The following RIC3 variants were observed in gnomAD, a reference collection of about 807,000 sequenced individuals.
The protein encoded by RIC3 is protein RIC-3.
Under a neutral mutation model 27.3 loss-of-function variants are expected in RIC3, and 28 were observed. The ratio of observed to expected loss-of-function variants is 1.02; its 90% CI spans 0.76 to 1.41. The LOEUF is 1.41. RIC3 is among the 40% of genes most tolerant of loss of function. The pLI is 0.00. For synonymous variants in RIC3, 184 were observed against 160.4 expected (o/e 1.15, Z -1.11); for missense variants, 501 against 444.7 (o/e 1.13, Z -1.14).
In RIC3 at chr11:8,110,854, C is replaced by T. The variant is rs375414740; in HGVS notation, c.954G>A (p.Glu318=). ...AGCTATCTGCACTGAATCCAGCATTCTCTGCCAAGACAGCAGGATCCTCGT... is the reference window on the plus strand; with the variant it reads ...AGCTATCTGCACTGAATCCAGCATTTTCTGCCAAGACAGCAGGATCCTCGT... ...HEDEDPAVLA[E]NAGFSADSYP... is the part of the protein sequence containing the mutation. The change falls in exon 6 of 6, where the codon GAG becomes GAA. Residue 318 remains glutamate, a synonymous_variant. Transcript: ENST00000309737. 6.2e-7 allele frequency: 1 copy of T among 1,614,206 alleles called. No homozygotes were observed. The highest frequency in any genetic ancestry group is 1.6e-4 in the Middle Eastern group (1 of 6,062).
At position 8,109,817 on chromosome 11, in the gene RIC3, T is replaced by C. The variant is rs1945046640; in HGVS notation, c.*881A>G. 1 of 152,102 alleles carries C rather than the reference T, an allele frequency of 6.6e-6. No homozygotes were observed. Among genetic ancestry groups the C allele is most frequent in the South Asian group, 2.1e-4 (1 of 4,812 alleles). 9.4% of individuals were successfully genotyped at this position (152,102 alleles called of 1,614,324 possible). On this transcript the variant is annotated 3_prime_UTR_variant, in exon 6 of 6. Transcript: ENST00000309737. ...CAGAATTCACAATCTTGAGCCCTCT[T>C]ATAGGGTTGCAGCCTCCTCATGGCA...
At chr11:8,138,779 T>C (rs1948703041) in intron 2 of RIC3, 2 of 238,426 alleles carry the variant, frequency 8.4e-6, no homozygotes, top group Non-Finnish European at 1.6e-5. Flanking sequence ...AGCCTGTTCC[T>C]CTTCCTTATA....
chr11:8,103,085 C>T (rs1944374069), downstream of RIC3: 1 of 152,238 alleles, frequency 6.6e-6, no homozygotes, highest in South Asian at 2.1e-4. Flanking sequence ...TGTCTGGCCC[C>T]TCCGCGAGGG....
At chr11:8,098,489 C>T in the RIC3 span, among the ~76,000 whole-genome samples, 1 of 152,144 alleles carries the variant, frequency 6.6e-6, no homozygotes, top group Non-Finnish European at 1.5e-5. Flanking sequence ...CATGTTCCCC[C>T]AGATAAATCT....
At chr11:8,125,389 G>C (rs1946886399) in intron 5 of RIC3, among the ~76,000 whole-genome samples, 1 of 152,008 alleles carries the variant, frequency 6.6e-6, no homozygotes, top group Non-Finnish European at 1.5e-5. Flanking sequence ...GCAAAATACA[G>C]AAATGATAAA....
intron 1 of RIC3, 116 bp downstream of exon 1, chr11:8,168,750 C>T (rs1276863370): frequency 7.1e-7 from 1 of 1,411,442 alleles, no homozygotes; most frequent in Non-Finnish European, 9.4e-7. Context: ...CCTCTCCAGT[C>T]AGTTTGGTGG....
chr11:8,132,354 G>A (rs1248249265), intron 4 of RIC3, among the ~76,000 whole-genome samples: 2 of 152,112 alleles, frequency 1.3e-5, no homozygotes, highest in Non-Finnish European at 2.9e-5. Flanking sequence ...CTAAAGCACA[G>A]CAAATCGTTA....
At chr11:8,113,661 C>T (rs1227414499) in intron 5 of RIC3, among the ~76,000 whole-genome samples, 1 of 152,198 alleles carries the variant, frequency 6.6e-6, no homozygotes, top group Admixed American at 6.5e-5. Flanking sequence ...CACAATCCAG[C>T]AGACCCTGGG....
chr11:8,105,138 T>TC (rs1944495462), downstream of RIC3: 1 of 152,220 alleles, frequency 6.6e-6, no homozygotes. Flanking sequence ...AAATTTCATC[T>TC]CCTAGATGGA....
the RIC3 span, chr11:8,096,716 T>C: frequency 6.2e-7 from 1 of 1,613,136 alleles, no homozygotes; most frequent in Admixed American, 1.7e-5. Context: ...TTGACGAGGA[T>C]GAGGAGGATG....
chr11:8,145,558 C>A (rs1200946267), intron 1 of RIC3, among the ~76,000 whole-genome samples: 1 of 152,034 alleles, frequency 6.6e-6, no homozygotes, highest in Non-Finnish European at 1.5e-5. Context: ...TATAGCTGAA[C>A]AGACAGGATG....
chr11:8,151,916 C>CAA (rs541424394), intron 1 of RIC3, among the ~76,000 whole-genome samples: 6 of 81,142 alleles, frequency 7.4e-5, no homozygotes, highest in Admixed American at 1.4e-4. Flanking sequence ...GACTCGGTCT[C>CAA]AAAAAAAAAA....
chr11:8,141,179 CA>C (rs1949016191), intron 1 of RIC3, among the ~76,000 whole-genome samples: 1 of 150,912 alleles, frequency 6.6e-6, no homozygotes, highest in Non-Finnish European at 1.5e-5. Context: ...TCACACATAA[CA>C]ATACTAACTT....
intron 1 of RIC3, among the ~76,000 whole-genome samples, chr11:8,143,940 A>G (rs1298429810): frequency 5.9e-5 from 9 of 152,214 alleles, no homozygotes; most frequent in Admixed American, 1.3e-4. Flanking sequence ...AGGATTCCCT[A>G]TTTAATAAAT....
At chr11:8,136,998 A>C (rs560537812) in intron 4 of RIC3, among the ~76,000 whole-genome samples, 2 of 151,410 alleles carry the variant, frequency 1.3e-5, no homozygotes, top group Admixed American at 6.6e-5. Flanking sequence ...TCTATTTATC[A>C]AAAAAAAAGC....
intron 5 of RIC3, among the ~76,000 whole-genome samples, chr11:8,116,506 T>G (rs936077933): frequency 2.6e-5 from 4 of 152,156 alleles, no homozygotes; most frequent in African/African-American, 7.2e-5. Flanking sequence ...GAGAAAATAT[T>G]TGCAAACCAT....
chr11:8,160,722 G>T (rs1951089061), intron 1 of RIC3, among the ~76,000 whole-genome samples: 2 of 152,198 alleles, frequency 1.3e-5, no homozygotes, highest in Non-Finnish European at 2.9e-5. Context: ...ACAACAGATT[G>T]CTCTTTCATG....
chr11:8,131,528 T>A (rs757961623), intron 4 of RIC3, among the ~76,000 whole-genome samples: 6 of 152,174 alleles, frequency 3.9e-5, no homozygotes, highest in African/African-American at 1.4e-4. Context: ...GTGGGCTCTA[T>A]ATATAGAGGT....
the RIC3 span, chr11:8,095,798 T>C: frequency 9.9e-7 from 1 of 1,009,244 alleles, no homozygotes; most frequent in South Asian, 1.8e-5. Context: ...GGGGCACACT[T>C]CGGAGACAAA....
Sources: gnomAD v4.1 joint callset for allele counts (sites outside exome capture counted in the v4.1 genomes callset) on GRCh38, gnomAD v4.1.1 for gene constraint, MANE v1.5 for transcripts, NCBI Gene and HGNC (gene_info 2026-07-23, HGNC 2026-07-21) for gene names.